Variants in DCC observed in about 807,000 individuals in gnomAD.
DCC encodes the protein DCC netrin 1 receptor, also known as netrin receptor DCC.
Under a neutral mutation model 172.5 loss-of-function variants are expected in DCC, and 58 were observed. That is an observed-to-expected ratio of 0.34 (90% confidence interval 0.27 to 0.42). The LOEUF (loss-of-function observed/expected upper bound fraction) is 0.42, where lower values mean the gene tolerates loss of function less well. Ranked by LOEUF, DCC falls within the 10% of genes least tolerant of loss-of-function variation. The pLI, the probability that DCC is intolerant of heterozygous loss-of-function variation, is 1.00. For missense variants in DCC, 1,740 were observed against 1,791.0 expected, an observed-to-expected ratio of 0.97 and a Z score of 0.51; for synonymous variants, 709 against 644.5, an observed-to-expected ratio of 1.10 and a Z score of -1.52.
intron 1 of DCC, among the ~76,000 whole-genome samples, chr18:52,579,465 TGAAATTCTTCCTCCTAGAATAGTA>T (rs2033493483): frequency 6.6e-6 from 1 of 152,242 alleles, no homozygotes; most frequent in African/African-American, 2.4e-5. Context: ...GTCTTTTTTT[TGAAATTCTTCCTCCTAGAATAGTA>T]ATAATAGTGA....
intron 9 of DCC, among the ~76,000 whole-genome samples, chr18:53,190,052 G>A (rs867329387): frequency 4.6e-5 from 7 of 152,054 alleles, no homozygotes; most frequent in Admixed American, 3.3e-4. Context: ...TCAGCCTCCC[G>A]AGTAGCTGGG....
intron 5 of DCC, among the ~76,000 whole-genome samples, chr18:53,000,286 G>T (rs968073777): frequency 3.3e-5 from 5 of 152,036 alleles, no homozygotes; most frequent in Admixed American, 6.6e-5. Flanking sequence ...AATTGATTTT[G>T]TAGGATCATA....
In DCC at chr18:52,690,743, A is replaced by G. The variant is rs184029001; in HGVS notation, c.92-61311A>G. ...ACAAATACAAAGTATAAATCAATGTATAAAATGAAATGACCTTAATAAAAA... is the reference window on the plus strand; with the variant it reads ...ACAAATACAAAGTATAAATCAATGTGTAAAATGAAATGACCTTAATAAAAA... On this transcript the variant is annotated intron_variant, in intron 1 of 28. Coordinates refer to ENST00000442544, the MANE Select transcript of DCC (RefSeq NM_005215.4). Among the ~76,000 whole-genome samples the G allele has an allele frequency of 2.6e-5, 4 of 152,292 alleles. No homozygotes were observed. In the East Asian group the frequency reaches 7.8e-4, roughly 30 times the overall value.
At chr18:53,051,170 C>T (rs2144038062) in intron 5 of DCC, among the ~76,000 whole-genome samples, 1 of 152,214 alleles carries the variant, frequency 6.6e-6, no homozygotes, top group South Asian at 2.1e-4. Context: ...GTCGAGGCTG[C>T]AGTGAGCCAT....
At chr18:52,539,257 T>C (rs1215762841) in intron 1 of DCC, among the ~76,000 whole-genome samples, 1 of 152,136 alleles carries the variant, frequency 6.6e-6, no homozygotes, top group East Asian at 1.9e-4. Flanking sequence ...TCAGAGTTAC[T>C]GAATGAAATA....
intron 1 of DCC, among the ~76,000 whole-genome samples, chr18:52,589,395 T>C (rs1188075918): frequency 1.3e-5 from 2 of 152,226 alleles, no homozygotes; most frequent in Non-Finnish European, 2.9e-5. Context: ...CCTAAGTATA[T>C]CCAAGAGTGT....
At position 53,157,525 on chromosome 18, in the gene DCC, A is replaced by C. The variant is rs1240717543; in HGVS notation, c.1418+13A>C. On this transcript the variant is annotated intron_variant, in intron 8 of 28. Transcript: ENST00000442544. ...AAGGTGACAACAGGTAGGTGATGCT[A>C]CCAATAAAATTCAGCTTAATCGGTC... 1 of 1,613,584 alleles carries C rather than the reference A, an allele frequency of 6.2e-7. No homozygotes were observed. Among genetic ancestry groups the C allele is most frequent in the African/African-American group, 1.3e-5 (1 of 74,926 alleles).
At chr18:52,749,346 T>A (rs920583772) in intron 1 of DCC, among the ~76,000 whole-genome samples, 25 of 152,042 alleles carry the variant, frequency 1.6e-4, no homozygotes, top group African/African-American at 6.0e-4. Context: ...GAAGGTTGGG[T>A]TTCACTGGGG....
chr18:52,750,599 C>T (rs1440020513), intron 1 of DCC, among the ~76,000 whole-genome samples: 1 of 152,140 alleles, frequency 6.6e-6, no homozygotes, highest in Non-Finnish European at 1.5e-5. Context: ...GAATAACAGA[C>T]TTCAAACGTA....
chr18:52,377,066 G>A (rs1985380478), intron 1 of DCC, among the ~76,000 whole-genome samples: 1 of 152,158 alleles, frequency 6.6e-6, no homozygotes, highest in African/African-American at 2.4e-5. Flanking sequence ...TTTGAGAAAA[G>A]CGCTGACTGT....
chr18:53,479,907 T>C (rs1213846066), intron 25 of DCC, among the ~76,000 whole-genome samples: 2 of 152,138 alleles, frequency 1.3e-5, no homozygotes, highest in African/African-American at 2.4e-5. Context: ...GATCTGGGGG[T>C]AACTTATGAA....
intron 1 of DCC, among the ~76,000 whole-genome samples, chr18:52,439,690 G>A (rs1321516416): frequency 6.6e-6 from 1 of 152,178 alleles, no homozygotes; most frequent in African/African-American, 2.4e-5. Flanking sequence ...TCCTTCAACA[G>A]AGAGAGACAT....
At chr18:52,765,531 A>C (rs145325431) in intron 2 of DCC, among the ~76,000 whole-genome samples, 291 of 152,170 alleles carry the variant, frequency 1.9e-3, no homozygotes, top group Non-Finnish European at 3.1e-3. Flanking sequence ...AGGAACCTTT[A>C]ACTGGCCCCC....
intron 6 of DCC, among the ~76,000 whole-genome samples, chr18:53,064,926 A>AT (rs1568280691): frequency 6.6e-6 from 1 of 152,052 alleles, no homozygotes; most frequent in South Asian, 2.1e-4. Context: ...GGCAACATTT[A>AT]TTTTTTTCTA....
At chr18:52,369,626 A>T (rs1197863667) in intron 1 of DCC, among the ~76,000 whole-genome samples, 1 of 151,832 alleles carries the variant, frequency 6.6e-6, no homozygotes, top group Non-Finnish European at 1.5e-5. Context: ...TCTGCTTGTT[A>T]CATTTATTTT....
At chr18:52,868,059 G>A (rs62098992) in intron 2 of DCC, among the ~76,000 whole-genome samples, 521 of 97,374 alleles carry the variant, frequency 5.4e-3, no homozygotes, top group African/African-American at 0.013. Context: ...ATATATGTGT[G>A]TGTGTGTGTG....
At chr18:53,236,942 A>G (rs868632216) in intron 12 of DCC, among the ~76,000 whole-genome samples, 2 of 151,962 alleles carry the variant, frequency 1.3e-5, no homozygotes, top group Non-Finnish European at 1.5e-5. Flanking sequence ...GTTTATCCCT[A>G]TGGTAGTACC....
At chr18:52,418,613 C>T (rs1987129643) in intron 1 of DCC, among the ~76,000 whole-genome samples, 2 of 152,026 alleles carry the variant, frequency 1.3e-5, no homozygotes, top group African/African-American at 4.8e-5. Flanking sequence ...AGTCAAAGAC[C>T]AAGGTGGTTT....
chr18:53,161,779 T>A (rs28631779), intron 8 of DCC, among the ~76,000 whole-genome samples: 12 of 152,050 alleles, frequency 7.9e-5, no homozygotes, highest in Admixed American at 6.5e-4. Flanking sequence ...GTAGTTAATT[T>A]TTAATTCTTA....
Sources: allele counts gnomAD v4.1 joint callset (sites outside exome capture counted in the v4.1 genomes callset), GRCh38; gene constraint gnomAD v4.1.1; transcripts MANE v1.5; gene names NCBI Gene and HGNC (gene_info 2026-07-23, HGNC 2026-07-21).